EXTL2: variants seen among roughly 807,000 people sequenced by gnomAD.
EXTL2 encodes exostosin like glycosyltransferase 2.
Under a neutral mutation model 30.7 loss-of-function variants are expected in EXTL2, and 23 were observed. The observed-to-expected ratio is 0.75, with a 90% CI of 0.54 to 1.06. The LOEUF (loss-of-function observed/expected upper bound fraction) is 1.06, where lower values mean the gene tolerates loss of function less well. Among genes scored for constraint, EXTL2 ranks in the 50% least tolerant of loss-of-function variants. EXTL2 has a pLI of 0.00. For synonymous variants in EXTL2, 123 were observed against 133.8 expected, an observed-to-expected ratio of 0.92 and a Z score of 0.56; for missense variants, 352 against 396.3, an observed-to-expected ratio of 0.89 and a Z score of 0.95.
chr1:100,888,963 T>C (rs1650193710), intron 1 of EXTL2, 135 bp from the exon 2 acceptor site: 2 of 426,116 alleles, frequency 4.7e-6, no homozygotes, highest in Non-Finnish European at 8.5e-6. Flanking sequence ...AAATTTGTTA[T>C]TCTGTCTTCT....
intron 1 of EXTL2, among the ~76,000 whole-genome samples, chr1:100,892,120 C>T (rs1340123462): frequency 6.6e-6 from 1 of 152,118 alleles, no homozygotes; most frequent in Non-Finnish European, 1.5e-5. Context: ...TTAAAAGATG[C>T]AAAGTATTGT....
At position 100,875,346 on chromosome 1, in the gene EXTL2, AAT is replaced by A. The variant is rs527962790; in HGVS notation, c.505-918_505-917del. The stretch of plus-strand genomic sequence containing the variant: ...TATGGATATGCAAACAAGGAAATAC[AAT>A]ACTGTGAGAAAGTTGTTTTAAGTGC... On this transcript the variant is annotated intron_variant, in intron 4 of 4. Coordinates refer to ENST00000370114, the MANE Select transcript of EXTL2 (RefSeq NM_001033025.3). Among the ~76,000 whole-genome samples, 132 of 152,128 alleles carry A rather than the reference AAT, an allele frequency of 8.7e-4. 1 individual carries two copies. Among genetic ancestry groups the A allele is most frequent in the African/African-American group, 3.1e-3 (129 of 41,524 alleles).
intron 2 of EXTL2, among the ~76,000 whole-genome samples, chr1:100,886,904 A>G (rs984064648): frequency 1.3e-5 from 2 of 152,224 alleles, no homozygotes; most frequent in African/African-American, 4.8e-5. Context: ...GAGATGACCA[A>G]TTCCATGGAC....
In EXTL2 at chr1:100,888,837, ATAAATCAAAGAATTT is replaced by A; in HGVS notation, c.-71-24_-71-10del. ...AGCAGGCTCACTTGTCACTATTAAGATAAATCAAAGAATTTTCTGTGATGTTTCTGTCAGTCAGCA... is the reference window on the plus strand; with the variant it reads ...AGCAGGCTCACTTGTCACTATTAAGATCTGTGATGTTTCTGTCAGTCAGCA... On this transcript the variant is annotated splice_polypyrimidine_tract_variant and intron_variant, in intron 1 of 4. Coordinates refer to ENST00000370114, the MANE Select transcript of EXTL2 (RefSeq NM_001033025.3). The A allele has an allele frequency of 9.2e-7, 1 of 1,088,940 alleles. No individual in the cohort carries two copies. The highest frequency in any genetic ancestry group is 1.3e-6 in the Non-Finnish European group (1 of 769,858). The allele number at this position is 1,088,940 out of a possible 1,614,324, so 67.5% of individuals were successfully genotyped here. A position where few individuals can be genotyped will look rare whatever the true frequency, so the allele number is the denominator to read the frequency against.
intron 2 of EXTL2, 24 bp downstream of exon 2, chr1:100,888,729 A>C (rs1015543634): frequency 1.4e-6 from 2 of 1,439,514 alleles, no homozygotes; most frequent in Middle Eastern, 1.8e-4. Flanking sequence ...AGTTAAACAA[A>C]AGCCAAAAAA....
intron 2 of EXTL2, among the ~76,000 whole-genome samples, chr1:100,878,863 C>T (rs140284046): frequency 6.6e-6 from 1 of 152,060 alleles, no homozygotes; most frequent in East Asian, 1.9e-4. Flanking sequence ...GGGTGTATTG[C>T]CTGGCTTTAC....
chr1:100,884,611 G>A (rs1383017168), intron 2 of EXTL2, among the ~76,000 whole-genome samples: 1 of 152,130 alleles, frequency 6.6e-6, no homozygotes, highest in Non-Finnish European at 1.5e-5. Context: ...ACAGTGAGCC[G>A]ATCCACGACT....
At chr1:100,892,686 C>T (rs1051632596) in intron 1 of EXTL2, among the ~76,000 whole-genome samples, 1 of 152,324 alleles carries the variant, frequency 6.6e-6, no homozygotes, top group Middle Eastern at 3.4e-3. Flanking sequence ...TAAATGCACA[C>T]GATCCCAACT....
At chr1:100,889,148 T>C (rs1286730339) in intron 1 of EXTL2, among the ~76,000 whole-genome samples, 2 of 152,158 alleles carry the variant, frequency 1.3e-5, no homozygotes, top group Non-Finnish European at 2.9e-5. Context: ...GACTCATAGT[T>C]CCACATGGCT....
chr1:100,876,189 T>C (rs1649105549), intron 4 of EXTL2, among the ~76,000 whole-genome samples: 1 of 152,088 alleles, frequency 6.6e-6, no homozygotes, highest in Admixed American at 6.6e-5. Flanking sequence ...CAGTGCAACT[T>C]GTAAAAGTTA....
At chr1:100,881,859 C>T (rs754261) in intron 2 of EXTL2, among the ~76,000 whole-genome samples, 5,508 of 152,296 alleles carry the variant, frequency 0.036, 308 homozygotes, top group African/African-American at 0.12. Flanking sequence ...CCCCAGGCTA[C>T]ACATCAGTAC....
Position 100,874,024 on chromosome 1 carries a change from T to A in EXTL2, c.911A>T (p.Tyr304Phe). The A allele has an allele frequency of 1.2e-6, 2 of 1,612,932 alleles. No homozygotes were observed. Among genetic ancestry groups the A allele is most frequent in the Non-Finnish European group, 1.7e-6 (2 of 1,179,360 alleles). ...GGAGTATCTTAAGGGCATGCTATCA[T>A]AGATATTAACAAGCTTATTTATACA... ...SYCINKLVNI[Y>F]DSMPLRYSNI... Residue 304 changes from tyrosine to phenylalanine, a missense_variant, in exon 5 of 5, where the codon TAT (tyrosine) becomes TTT (phenylalanine). Coordinates refer to ENST00000370114, the MANE Select transcript of EXTL2 (RefSeq NM_001033025.3).
In EXTL2 at chr1:100,873,535, A is replaced by C. The variant is rs1648853519; in HGVS notation, c.*407T>G. On this transcript the variant is annotated 3_prime_UTR_variant, in exon 5 of 5. Transcript: ENST00000370114. ...CCCATACCACAGGCTTTTGCTAAAG[A>C]GGCATTTCAGGTTTCAAATTAAAAC... The C allele has an allele frequency of 6.3e-6, 1 of 159,202 alleles. No homozygotes were observed. Among genetic ancestry groups the C allele is most frequent in the African/African-American group, 2.4e-5 (1 of 41,496 alleles). 9.9% of individuals were successfully genotyped at this position (159,202 alleles called of 1,614,324 possible).
At chr1:100,890,273 G>A (rs539186371) in intron 1 of EXTL2, among the ~76,000 whole-genome samples, 1 of 152,318 alleles carries the variant, frequency 6.6e-6, no homozygotes, top group Non-Finnish European at 1.5e-5. Context: ...TGAGATGCAG[G>A]GCACCAAGTC....
chr1:100,885,391 G>T (rs1286466435), intron 2 of EXTL2, among the ~76,000 whole-genome samples: 1 of 152,120 alleles, frequency 6.6e-6, no homozygotes, highest in Admixed American at 6.5e-5. Flanking sequence ...ATGATAACCG[G>T]AAGCTATATT....
chr1:100,874,048 C>CAATAAGACCTCTA lies in EXTL2; in HGVS notation c.886_887insTAGAGGTCTTATT (p.Cys296LeufsTer8), dbSNP rs754439589. On this transcript the variant is annotated frameshift_variant, in exon 5 of 5. Coordinates refer to ENST00000370114, the MANE Select transcript of EXTL2 (RefSeq NM_001033025.3). LOFTEE classifies it high-confidence loss of function. ...ATAGATATTAACAAGCTTATTTATA[C>CAATAAGACCTCTA]AATAAGACCTCTGCAGAGCGTGCTC... The CAATAAGACCTCTA allele has an allele frequency of 1.2e-6, 2 of 1,612,970 alleles. No individual in the cohort carries two copies. The highest frequency in any genetic ancestry group is 3.3e-5 in the Admixed American group (2 of 59,856).
chr1:100,885,410 C>T (rs190489663), intron 2 of EXTL2, among the ~76,000 whole-genome samples: 7 of 152,168 alleles, frequency 4.6e-5, no homozygotes, highest in Admixed American at 1.3e-4. Context: ...TTATTTAATC[C>T]GGCACGCAGC....
intron 1 of EXTL2, among the ~76,000 whole-genome samples, chr1:100,891,577 G>A (rs866223134): frequency 2.0e-5 from 3 of 152,182 alleles, no homozygotes; most frequent in Non-Finnish European, 2.9e-5. Context: ...GTCCTTTTAT[G>A]CTGACTCAGC....
chr1:100,889,803 A>G (rs1650277729), intron 1 of EXTL2, among the ~76,000 whole-genome samples: 2 of 152,166 alleles, frequency 1.3e-5, no homozygotes, highest in South Asian at 4.1e-4. Flanking sequence ...GGGCTCTCAG[A>G]GTCTTGGGAA....
Sources: gnomAD v4.1 joint callset for allele counts (sites outside exome capture counted in the v4.1 genomes callset) on GRCh38, gnomAD v4.1.1 for gene constraint, MANE v1.5 for transcripts, NCBI Gene and HGNC (gene_info 2026-07-23, HGNC 2026-07-21) for gene names.